ABTB2: variants seen among roughly 807,000 people sequenced by gnomAD.
ABTB2 encodes ankyrin repeat and BTB domain containing 2.
A neutral mutation model predicts 104.1 loss-of-function variants in ABTB2; 56 were observed. That is an observed-to-expected ratio of 0.54 (90% CI 0.43 to 0.67). The LOEUF (loss-of-function observed/expected upper bound fraction) is 0.67, where lower values mean the gene tolerates loss of function less well. Ranked by LOEUF, ABTB2 falls within the 30% of genes least tolerant of loss-of-function variation. The pLI is 0.00. For missense variants in ABTB2, 1,279 were observed against 1,407.7 expected (o/e 0.91, Z 1.46); for synonymous variants, 606 against 608.2 (o/e 1.00, Z 0.05).
At chr11:34,349,039 T>C (rs2133127951) in intron 1 of ABTB2, among the ~76,000 whole-genome samples, 1 of 152,350 alleles carries the variant, frequency 6.6e-6, no homozygotes, top group East Asian at 1.9e-4. Flanking sequence ...GTGTTCCTTA[T>C]GTATCTCCTC....
At chr11:34,314,116 A>T (rs1214446909) in intron 1 of ABTB2, among the ~76,000 whole-genome samples, 2 of 152,164 alleles carry the variant, frequency 1.3e-5, no homozygotes, top group Non-Finnish European at 2.9e-5. Flanking sequence ...GATGAGGGAA[A>T]CTACTACCTG....
chr11:34,309,764 A>G (rs1204159307), intron 1 of ABTB2, among the ~76,000 whole-genome samples: 1 of 152,036 alleles, frequency 6.6e-6, no homozygotes, highest in Non-Finnish European at 1.5e-5. Context: ...GTACAGAATC[A>G]TTGTCATAGG....
At chr11:34,204,331 T>A (rs1008951439) in intron 2 of ABTB2, among the ~76,000 whole-genome samples, 5 of 152,096 alleles carry the variant, frequency 3.3e-5, no homozygotes, top group African/African-American at 1.2e-4. Flanking sequence ...TGTTGCTAGA[T>A]CATTTGTTTT....
intron 3 of ABTB2, among the ~76,000 whole-genome samples, chr11:34,175,995 AG>A (rs1276257778): frequency 1.3e-5 from 2 of 152,294 alleles, no homozygotes; most frequent in South Asian, 2.1e-4. Flanking sequence ...CCCAAAAAAA[AG>A]GGGGGCTGGG....
chr11:34,155,307 GCT>G (rs1852608272), intron 14 of ABTB2, among the ~76,000 whole-genome samples: 1 of 152,250 alleles, frequency 6.6e-6, no homozygotes, highest in South Asian at 2.1e-4. Flanking sequence ...CCCCATCTGG[GCT>G]CTGTCTCAGG....
chr11:34,238,754 ATT>A (rs1178755104), intron 1 of ABTB2, among the ~76,000 whole-genome samples: 1 of 151,972 alleles, frequency 6.6e-6, no homozygotes, highest in African/African-American at 2.4e-5. Context: ...ATTAATCATC[ATT>A]CTTTTTTTTT....
intron 4 of ABTB2, 62 bp from the exon 5 acceptor site, chr11:34,171,133 GAC>G (rs750498428): frequency 1.2e-5 from 18 of 1,556,414 alleles, no homozygotes; most frequent in Non-Finnish European, 1.5e-5. Context: ...TCAATGATGT[GAC>G]ACACATGTGT....
chr11:34,155,303 C>G (rs1185861309), intron 14 of ABTB2, among the ~76,000 whole-genome samples: 1 of 152,268 alleles, frequency 6.6e-6, no homozygotes, highest in Non-Finnish European at 1.5e-5. Flanking sequence ...AGTGCCCCAT[C>G]TGGGCTCTGT....
At chr11:34,282,845 T>G (rs1854462620) in intron 1 of ABTB2, among the ~76,000 whole-genome samples, 1 of 151,788 alleles carries the variant, frequency 6.6e-6, no homozygotes, top group Admixed American at 6.6e-5. Flanking sequence ...TAATGTGCTT[T>G]TCATGATCCA....
At chr11:34,320,603 G>A (rs191222197) in intron 1 of ABTB2, among the ~76,000 whole-genome samples, 1 of 152,250 alleles carries the variant, frequency 6.6e-6, no homozygotes, top group African/African-American at 2.4e-5. Flanking sequence ...CCATTGGGTG[G>A]GCTGGCTGCC....
intron 1 of ABTB2, among the ~76,000 whole-genome samples, chr11:34,310,766 C>A (rs982498043): frequency 6.6e-6 from 1 of 152,170 alleles, no homozygotes; most frequent in Non-Finnish European, 1.5e-5. Flanking sequence ...GGGTGGACTG[C>A]ATGGAGGTTA....
At chr11:34,180,146 C>T (rs185985470) in intron 3 of ABTB2, among the ~76,000 whole-genome samples, 2 of 152,228 alleles carry the variant, frequency 1.3e-5, no homozygotes, top group Non-Finnish European at 2.9e-5. Context: ...GCCTTCCCCC[C>T]ACAGCAAGTA....
intron 1 of ABTB2, among the ~76,000 whole-genome samples, chr11:34,282,045 T>C (rs1472866764): frequency 1.3e-5 from 2 of 152,172 alleles, no homozygotes; most frequent in African/African-American, 4.8e-5. Context: ...ACAACAGAAA[T>C]TCATCTCTTA....
At position 34,163,070 on chromosome 11, in the gene ABTB2, C is replaced by T. The variant is rs147317216; in HGVS notation, c.1989-265G>A. Among the ~76,000 whole-genome samples, 819 of 152,294 alleles carry T rather than the reference C, an allele frequency of 5.4e-3. 5 individuals are homozygous for T. The highest frequency in any genetic ancestry group is 0.019 in the African/African-American group (780 of 41,566). On this transcript the variant is annotated intron_variant, in intron 9 of 16. Transcript: ENST00000435224. ...AGAAGCCATAGGCTTCGGGGCTGAG[C>T]GAGCTCTGCCATCCTGGCTGTGTGA... is the stretch of plus-strand genomic sequence containing the variant.
chr11:34,170,729 T>C (rs958272809), intron 5 of ABTB2, among the ~76,000 whole-genome samples, 177 bp downstream of exon 5: 2 of 152,092 alleles, frequency 1.3e-5, no homozygotes, highest in Non-Finnish European at 1.5e-5. Flanking sequence ...ATACTAGAAG[T>C]CTCCAAGCTG....
At chr11:34,284,401 A>T (rs1854481152) in intron 1 of ABTB2, among the ~76,000 whole-genome samples, 1 of 152,232 alleles carries the variant, frequency 6.6e-6, no homozygotes, top group African/African-American at 2.4e-5. Context: ...GATTGGCCCC[A>T]ATGTCTGAGC....
At chr11:34,161,351 C>T (rs1011288779) in intron 10 of ABTB2, among the ~76,000 whole-genome samples, 1 of 152,182 alleles carries the variant, frequency 6.6e-6, no homozygotes, top group Non-Finnish European at 1.5e-5. Context: ...GGAATGGCTT[C>T]GGCCCAAATG....
intron 2 of ABTB2, among the ~76,000 whole-genome samples, chr11:34,203,467 T>C (rs1209019318): frequency 6.6e-6 from 1 of 152,132 alleles, no homozygotes; most frequent in Non-Finnish European, 1.5e-5. Flanking sequence ...AGACAGCCCA[T>C]TGTCCAGGAG....
At chr11:34,264,187 C>T (rs1854220691) in intron 1 of ABTB2, among the ~76,000 whole-genome samples, 1 of 152,174 alleles carries the variant, frequency 6.6e-6, no homozygotes, top group Admixed American at 6.5e-5. Context: ...TGGAGGGAAG[C>T]CCTGAATAGG....
Sources: gnomAD v4.1 joint callset for allele counts (sites outside exome capture counted in the v4.1 genomes callset) on GRCh38, gnomAD v4.1.1 for gene constraint, MANE v1.5 for transcripts, NCBI Gene and HGNC (gene_info 2026-07-23, HGNC 2026-07-21) for gene names.